SLC39A11: variants seen among roughly 807,000 people sequenced by gnomAD.
SLC39A11 encodes solute carrier family 39 member 11, also known as zinc transporter ZIP11.
A neutral mutation model predicts 36.1 loss-of-function variants in SLC39A11; 33 were observed. The observed-to-expected ratio is 0.91, with a 90% CI of 0.69 to 1.22. The LOEUF (loss-of-function observed/expected upper bound fraction) is 1.22. SLC39A11 is among the 50% of genes most tolerant of loss of function. The pLI, the probability that SLC39A11 is intolerant of heterozygous loss-of-function variation, is 0.00. For missense variants in SLC39A11, 432 were observed against 430.3 expected (o/e 1.00, Z -0.03); for synonymous variants, 166 against 170.3 (o/e 0.97, Z 0.20).
At chr17:72,754,403 C>T (rs1028265363) in intron 6 of SLC39A11, among the ~76,000 whole-genome samples, 2 of 152,032 alleles carry the variant, frequency 1.3e-5, no homozygotes, top group Admixed American at 1.3e-4. Context: ...AGAACTTACT[C>T]ATGTAACCAA....
intron 5 of SLC39A11, among the ~76,000 whole-genome samples, chr17:72,879,464 AT>A: frequency 1.3e-5 from 2 of 152,298 alleles, no homozygotes; most frequent in East Asian, 3.9e-4. Context: ...CCAATTATAT[AT>A]TTCACAATAT....
At chr17:72,966,779 C>A (rs2087016025) in intron 4 of SLC39A11, among the ~76,000 whole-genome samples, 1 of 152,124 alleles carries the variant, frequency 6.6e-6, no homozygotes, top group African/African-American at 2.4e-5. Flanking sequence ...CCATGTTAGC[C>A]AGGATGGTCT....
intron 7 of SLC39A11, among the ~76,000 whole-genome samples, chr17:72,717,261 G>C (rs1197867298): frequency 6.6e-6 from 1 of 152,060 alleles, no homozygotes; most frequent in East Asian, 1.9e-4. Context: ...AAAGCTAAGA[G>C]AGGACCTCAG....
intron 7 of SLC39A11, among the ~76,000 whole-genome samples, chr17:72,660,496 T>C (rs1201944833): frequency 6.6e-6 from 1 of 152,122 alleles, no homozygotes; most frequent in East Asian, 1.9e-4. Flanking sequence ...AGCTGGGAAG[T>C]GACAGAGCAG....
intron 3 of SLC39A11, among the ~76,000 whole-genome samples, chr17:73,064,516 C>A (rs1568215060): frequency 6.6e-6 from 1 of 152,142 alleles, no homozygotes; most frequent in Non-Finnish European, 1.5e-5. Flanking sequence ...GGACTCTAAG[C>A]AGCTCAGCTA....
intron 5 of SLC39A11, among the ~76,000 whole-genome samples, chr17:72,862,250 T>C (rs2080078610): frequency 6.6e-6 from 1 of 152,072 alleles, no homozygotes; most frequent in Non-Finnish European, 1.5e-5. Flanking sequence ...CTTTCTGAGA[T>C]GGAAGTGTTG....
At chr17:72,953,390 G>A (rs1297060277) in intron 4 of SLC39A11, among the ~76,000 whole-genome samples, 1 of 152,038 alleles carries the variant, frequency 6.6e-6, no homozygotes, top group Non-Finnish European at 1.5e-5. Context: ...AGGAGGTGAG[G>A]GGGCAGGAGG....
At chr17:72,712,070 G>A (rs1007654636) in intron 7 of SLC39A11, among the ~76,000 whole-genome samples, 3 of 152,244 alleles carry the variant, frequency 2.0e-5, no homozygotes, top group Non-Finnish European at 4.4e-5. Context: ...GCTGGCAGAG[G>A]TGGGACAAAG....
At chr17:73,083,281 G>T (rs1433059186) in intron 3 of SLC39A11, among the ~76,000 whole-genome samples, 1 of 152,146 alleles carries the variant, frequency 6.6e-6, no homozygotes, top group Non-Finnish European at 1.5e-5. Context: ...TGGAAGCTGA[G>T]GACCTAGAAA....
rs1260728566 is a variant in SLC39A11, at chr17:72,695,823, C to T, written c.671+40827G>A. On this transcript the variant is annotated intron_variant, in intron 7 of 9. Coordinates refer to ENST00000255559, the MANE Select transcript of SLC39A11 (RefSeq NM_139177.4). The stretch of plus-strand genomic sequence containing the variant: ...GATGCGGCCACCAGCCAAAGGATGC[C>T]TGCAGCCACCAGGAGCTGGAAAGCA... 2.6e-5 allele frequency among the ~76,000 whole-genome samples: 4 copies of T among 152,158 alleles called. No homozygotes were observed. The East Asian group carries it at 7.7e-4, about 29-fold the overall frequency.
chr17:72,817,091 T>C (rs1479194930), intron 6 of SLC39A11, among the ~76,000 whole-genome samples: 1 of 100,842 alleles, frequency 9.9e-6, no homozygotes, highest in Non-Finnish European at 2.3e-5. Flanking sequence ...CCATTTGTGT[T>C]GATATAAAGG....
chr17:72,788,015 C>T (rs1348029809), intron 6 of SLC39A11, among the ~76,000 whole-genome samples: 1 of 152,190 alleles, frequency 6.6e-6, no homozygotes. Flanking sequence ...TGTAAATCCC[C>T]AAGAAGGCAG....
chr17:72,902,042 C>A (rs950125071), intron 5 of SLC39A11, among the ~76,000 whole-genome samples: 1 of 152,012 alleles, frequency 6.6e-6, no homozygotes, highest in Non-Finnish European at 1.5e-5. Context: ...AAGGCCGAGG[C>A]GGGTGGATTA....
chr17:72,891,364 T>C (rs2081736583), intron 5 of SLC39A11, among the ~76,000 whole-genome samples: 1 of 152,154 alleles, frequency 6.6e-6, no homozygotes, highest in South Asian at 2.1e-4. Context: ...ATTTGGACTC[T>C]TGCTCTCCTG....
At chr17:72,709,792 A>G (rs1448519085) in intron 7 of SLC39A11, among the ~76,000 whole-genome samples, 1 of 152,176 alleles carries the variant, frequency 6.6e-6, no homozygotes, top group Non-Finnish European at 1.5e-5. Flanking sequence ...CTCTTTTATA[A>G]GTAACCTGCT....
At chr17:72,970,421 A>G (rs1363672155) in intron 4 of SLC39A11, among the ~76,000 whole-genome samples, 3 of 152,230 alleles carry the variant, frequency 2.0e-5, no homozygotes, top group East Asian at 3.8e-4. Context: ...AACCAGCCAC[A>G]TCACACCAAC....
chr17:72,956,895 C>A (rs184672741), intron 4 of SLC39A11, among the ~76,000 whole-genome samples: 5 of 152,240 alleles, frequency 3.3e-5, no homozygotes, highest in Admixed American at 3.3e-4. Context: ...AAAAAACAGC[C>A]GGTTATTATT....
At chr17:73,024,852 C>G (rs2058475446) in intron 4 of SLC39A11, among the ~76,000 whole-genome samples, 1 of 147,734 alleles carries the variant, frequency 6.8e-6, no homozygotes, top group Non-Finnish European at 1.5e-5. Context: ...CACGCAACAC[C>G]ATGCCCAGCT....
intron 5 of SLC39A11, among the ~76,000 whole-genome samples, chr17:72,919,329 A>G (rs954611149): frequency 2.6e-5 from 4 of 152,154 alleles, no homozygotes; most frequent in African/African-American, 9.7e-5. Flanking sequence ...AAAAACAGAA[A>G]TAACCAAGCA....
Sources: allele counts gnomAD v4.1 joint callset (sites outside exome capture counted in the v4.1 genomes callset), GRCh38; gene constraint gnomAD v4.1.1; transcripts MANE v1.5; gene names NCBI Gene and HGNC (gene_info 2026-07-23, HGNC 2026-07-21).